Variants in BLTP2 observed in about 807,000 individuals in gnomAD.
BLTP2 encodes U937-associated antigen.
the BLTP2 span, among the ~76,000 whole-genome samples, chr17:28,630,647 A>C: frequency 6.6e-6 from 1 of 151,682 alleles, no homozygotes; most frequent in Non-Finnish European, 1.5e-5. Flanking sequence ...TTCCCAGCTA[A>C]TTCTTTTGTA....
At chr17:28,624,129 T>A in the BLTP2 span, 1 of 1,443,580 alleles carries the variant, frequency 6.9e-7, no homozygotes, top group Non-Finnish European at 9.5e-7. Context: ...GAAGGCCAAA[T>A]TTTTTGGAGC....
the BLTP2 span, chr17:28,624,140 T>C: frequency 2.0e-6 from 3 of 1,466,472 alleles, no homozygotes; most frequent in Non-Finnish European, 2.8e-6. Flanking sequence ...TTTTTGGAGC[T>C]CTATTCACCC....
At chr17:28,629,050 C>A in the BLTP2 span, among the ~76,000 whole-genome samples, 2 of 151,500 alleles carry the variant, frequency 1.3e-5, no homozygotes, top group Non-Finnish European at 2.9e-5. Flanking sequence ...GTATTTTATT[C>A]TTTATCAAAA....
At chr17:28,641,773 A>G in the BLTP2 span, 1 of 938,052 alleles carries the variant, frequency 1.1e-6, no homozygotes, top group Non-Finnish European at 1.6e-6. Context: ...TTAGGGTCAA[A>G]GTCCATGGTG....
the BLTP2 span, chr17:28,642,516 T>C: frequency 1.2e-5 from 7 of 598,334 alleles, no homozygotes; most frequent in African/African-American, 7.4e-5. Context: ...CCAGGCGCGG[T>C]GGCGGCCGCC....
chr17:28,615,559 C>T, the BLTP2 span: 1 of 1,436,940 alleles, frequency 7.0e-7, no homozygotes, highest in Non-Finnish European at 9.5e-7. Flanking sequence ...GCACCTGCCC[C>T]TTCCCAAGGA....
chr17:28,642,817 C>T, the BLTP2 span: 3 of 997,100 alleles, frequency 3.0e-6, no homozygotes, highest in East Asian at 7.1e-5. Flanking sequence ...GGCCCTGAAG[C>T]AACTCTGAGG....
At chr17:28,635,455 G>T in the BLTP2 span, 1 of 1,614,200 alleles carries the variant, frequency 6.2e-7, no homozygotes, top group Non-Finnish European at 8.5e-7. Flanking sequence ...CTCAGAAGTA[G>T]TTCCTGAAGT....
chr17:28,639,721 C>G, the BLTP2 span: 1 of 1,449,926 alleles, frequency 6.9e-7, no homozygotes, highest in Non-Finnish European at 9.7e-7. Context: ...CAGAAGCCGG[C>G]AAAGGGATCA....
the BLTP2 span, chr17:28,621,554 G>A: frequency 3.9e-6 from 5 of 1,274,144 alleles, no homozygotes; most frequent in Admixed American, 1.7e-5. Context: ...GCTTGTCCTG[G>A]ACAATTGGGT....
At chr17:28,628,293 A>T in the BLTP2 span, 1 of 1,614,124 alleles carries the variant, frequency 6.2e-7, no homozygotes. Context: ...CAGGTTGTCC[A>T]CTGAAGCTGG....
chr17:28,645,102 G>C, the BLTP2 span: 7 of 1,536,140 alleles, frequency 4.6e-6, no homozygotes, highest in Non-Finnish European at 5.3e-6. Flanking sequence ...CCGCCATGCC[G>C]GGCCCCGACG....
At chr17:28,627,511 A>G in the BLTP2 span, among the ~76,000 whole-genome samples, 1 of 151,002 alleles carries the variant, frequency 6.6e-6, no homozygotes, top group African/African-American at 2.4e-5. Flanking sequence ...GGTTCATGCC[A>G]TTCTCCTGCC....
the BLTP2 span, chr17:28,623,614 C>T: frequency 3.4e-3 from 2,269 of 662,644 alleles, 20 homozygotes; most frequent in South Asian, 7.7e-3. Context: ...TGCTTCCAGA[C>T]CAGAGATTGC....
the BLTP2 span, chr17:28,638,473 T>C: frequency 6.3e-7 from 1 of 1,598,848 alleles, no homozygotes; most frequent in Non-Finnish European, 8.6e-7. Context: ...CAATTGGGCC[T>C]AGCTCCACTA....
the BLTP2 span, chr17:28,632,292 AGCTAAATCCTTCCCTT>A: frequency 1.1e-5 from 16 of 1,484,338 alleles, no homozygotes; most frequent in Non-Finnish European, 1.5e-5. Context: ...ACAGAGGTAA[AGCTAAATCCTTCCCTT>A]GCTGCAGGTT....
chr17:28,635,553 C>A, the BLTP2 span: 4 of 1,614,122 alleles, frequency 2.5e-6, no homozygotes, highest in Non-Finnish European at 3.4e-6. Context: ...CATGCTGGTA[C>A]AGGTACATGT....
the BLTP2 span, chr17:28,617,414 A>G: frequency 2.4e-6 from 2 of 819,696 alleles, no homozygotes; most frequent in Non-Finnish European, 4.1e-6. Context: ...CAGGCTCTAC[A>G]TATGCCTAAT....
the BLTP2 span, chr17:28,634,821 A>G: frequency 1.2e-6 from 2 of 1,613,860 alleles, no homozygotes; most frequent in Non-Finnish European, 8.5e-7. Flanking sequence ...ACAACTCCCC[A>G]TGCTGCTTCC....
Sources: allele counts gnomAD v4.1 joint callset (sites outside exome capture counted in the v4.1 genomes callset), GRCh38; gene constraint gnomAD v4.1.1; transcripts MANE v1.5; gene names NCBI Gene and HGNC (gene_info 2026-07-23, HGNC 2026-07-21).